Variants in IL6R observed in about 807,000 individuals in gnomAD.
The protein encoded by IL6R is interleukin-6 receptor subunit alpha.
A neutral mutation model predicts 48.3 loss-of-function variants in IL6R; 38 were observed. The ratio of observed to expected loss-of-function variants is 0.79; its 90% CI spans 0.61 to 1.03. The LOEUF is 1.03. IL6R is among the 50% of genes least tolerant of loss of function. IL6R has a pLI of 0.00. For missense variants in IL6R, 534 were observed against 618.3 expected, an observed-to-expected ratio of 0.86 and a Z score of 1.45; for synonymous variants, 264 against 256.2, an observed-to-expected ratio of 1.03 and a Z score of -0.29.
At chr1:154,456,449 C>T (rs962197735) in intron 9 of IL6R, among the ~76,000 whole-genome samples, 27 of 152,176 alleles carry the variant, frequency 1.8e-4, no homozygotes, top group African/African-American at 5.5e-4. Flanking sequence ...TCAGATGATC[C>T]GCCCGCCTCC....
In IL6R at chr1:154,430,625, G is replaced by A. The variant is rs778964716; in HGVS notation, c.458+19G>A. ...GGAAGTTGTAAGTATCTTGGGCTGA[G>A]CTATGTGCATGTTGGCTCCCTCCTT... On this transcript the variant is annotated intron_variant, in intron 3 of 9. Transcript: ENST00000368485. 2 of 1,614,100 alleles carry A rather than the reference G, an allele frequency of 1.2e-6. No individual in the cohort carries two copies. Among genetic ancestry groups the A allele is most frequent in the Non-Finnish European group, 1.7e-6 (2 of 1,179,980 alleles).
intron 1 of IL6R, among the ~76,000 whole-genome samples, chr1:154,414,010 A>G (rs1038735404): frequency 2.6e-5 from 4 of 151,842 alleles, no homozygotes; most frequent in African/African-American, 9.7e-5. Context: ...GGTGCACACC[A>G]CCACACTTGA....
intron 1 of IL6R, chr1:154,415,106 G>A: frequency 8.6e-7 from 1 of 1,166,774 alleles, no homozygotes; most frequent in South Asian, 1.3e-5. Flanking sequence ...GGCTTTTACG[G>A]TTCCACTCGC....
chr1:154,415,747 G>C (rs1688304419), intron 1 of IL6R, among the ~76,000 whole-genome samples: 1 of 152,160 alleles, frequency 6.6e-6, no homozygotes, highest in African/African-American at 2.4e-5. Flanking sequence ...GGGAGGCCGA[G>C]GCAGGTGGAT....
intron 1 of IL6R, among the ~76,000 whole-genome samples, chr1:154,423,055 C>G (rs572581509): frequency 1.3e-5 from 2 of 151,892 alleles, no homozygotes; most frequent in South Asian, 4.2e-4. Context: ...GTGCAGAATT[C>G]AGTGACAGTG....
Position 154,429,350 on chromosome 1 carries a change from G to C in IL6R, c.240G>C (p.Arg80Ser). The C allele has an allele frequency of 6.2e-7, 1 of 1,614,126 alleles. No homozygotes were observed. The change falls in exon 2 of 10, where the codon AGG becomes AGC. Residue 80 changes from arginine to serine, a missense_variant. Arg to Ser is a moderately radical substitution (Grantham distance 110, BLOSUM62 -1). Coordinates refer to ENST00000368485, the MANE Select transcript of IL6R (RefSeq NM_000565.4). ...HPSRWAGMGR[R>S]LLLRSVQLHD... is the part of the protein sequence containing the mutation. Reference sequence around the variant, plus strand: ...GCAGATGGGCTGGCATGGGAAGGAGGCTGCTGCTGAGGTCGGTGCAGCTCC... The same window carrying C: ...GCAGATGGGCTGGCATGGGAAGGAGCCTGCTGCTGAGGTCGGTGCAGCTCC...
intron 9 of IL6R, among the ~76,000 whole-genome samples, chr1:154,458,900 CA>C (rs757806352): frequency 2.0e-3 from 245 of 123,792 alleles, no homozygotes; most frequent in Middle Eastern, 4.6e-3. Context: ...GACTCCATCT[CA>C]AAAAAAAAAA....
rs138458259 is a variant in IL6R at position 154,429,265 on chromosome 1, C to T, written c.155C>T (p.Pro52Leu). 121 of 1,614,028 alleles carry T rather than the reference C, an allele frequency of 7.5e-5. 1 individual carries two copies. The highest frequency in any genetic ancestry group is 4.9e-4 in the Middle Eastern group (3 of 6,084). The change falls in exon 2 of 10, where the codon CCG becomes CTG. Residue 52 changes from proline to leucine, a missense_variant. Transcript: ENST00000368485. ...ACTCTGACCTGCCCGGGGGTAGAGC[C>T]GGAAGACAATGCCACTGTTCACTGG... is the stretch of plus-strand genomic sequence containing the variant. ...SVTLTCPGVE[P>L]EDNATVHWVL...
At chr1:154,434,723 T>C (rs1268964722) in intron 4 of IL6R, 23 bp downstream of exon 4, 8 of 1,596,276 alleles carry the variant, frequency 5.0e-6, no homozygotes, top group Non-Finnish European at 6.8e-6. Context: ...TAACCCCCTC[T>C]CCAGCAGTTT....
intron 1 of IL6R, chr1:154,414,867 G>A (rs1688241770): frequency 2.6e-6 from 2 of 775,066 alleles, no homozygotes; most frequent in Non-Finnish European, 4.6e-6. Flanking sequence ...AGGCTGACTG[G>A]GGAAGCTGTT....
intron 9 of IL6R, among the ~76,000 whole-genome samples, chr1:154,458,717 G>A (rs890226429): frequency 2.4e-4 from 36 of 151,992 alleles, no homozygotes; most frequent in Non-Finnish European, 4.0e-4. Context: ...CCTGGCCAAC[G>A]TGGAGAAACC....
chr1:154,412,974 T>C (rs1450120604), intron 1 of IL6R, among the ~76,000 whole-genome samples: 1 of 151,150 alleles, frequency 6.6e-6, no homozygotes, highest in Non-Finnish European at 1.5e-5. Flanking sequence ...TTTCATTATA[T>C]GGATGTACTG....
Position 154,446,045 on chromosome 1 carries a change from G to A in IL6R, c.950-2080G>A, listed in dbSNP as rs371694237. 2.3e-3 allele frequency among the ~76,000 whole-genome samples: 354 copies of A among 152,220 alleles called. 1 individual carries two copies. The highest frequency in any genetic ancestry group is 8.1e-3 in the African/African-American group (336 of 41,520). On this transcript the variant is annotated intron_variant, in intron 6 of 9. Transcript: ENST00000368485. ...CTCCCAAAGTGCTGGGATTACAGGT[G>A]TGAGTCCGGCCTGCCCCCATCTTCT...
At chr1:154,458,900 CAAA>C (rs757806352) in intron 9 of IL6R, among the ~76,000 whole-genome samples, 1 of 123,950 alleles carries the variant, frequency 8.1e-6, no homozygotes. Context: ...GACTCCATCT[CAAA>C]AAAAAAAAAA....
chr1:154,420,026 G>A (rs1483540190), intron 1 of IL6R, among the ~76,000 whole-genome samples: 1 of 151,990 alleles, frequency 6.6e-6, no homozygotes, highest in African/African-American at 2.4e-5. Flanking sequence ...GGAGATATGG[G>A]CTTGCTTGTT....
chr1:154,439,501 G>T (rs1285272560), intron 6 of IL6R, among the ~76,000 whole-genome samples: 1 of 152,060 alleles, frequency 6.6e-6, no homozygotes, highest in African/African-American at 2.4e-5. Flanking sequence ...TTTTAGTGGA[G>T]ATGGGGTTTC....
intron 3 of IL6R, among the ~76,000 whole-genome samples, chr1:154,433,033 G>C (rs1012961703): frequency 2.0e-5 from 3 of 152,362 alleles, no homozygotes; most frequent in African/African-American, 7.2e-5. Flanking sequence ...CAGTGCTGGG[G>C]CAGTGGGAGG....
rs1347952629 is a variant in IL6R at position 154,456,459 on chromosome 1, C to T, written c.1160+1878C>T. Among the ~76,000 whole-genome samples the T allele has an allele frequency of 3.3e-5, 5 of 152,054 alleles. No homozygotes were observed. The East Asian group carries it at 5.8e-4, about 18-fold the overall frequency. On this transcript the variant is annotated intron_variant, in intron 9 of 9. Transcript: ENST00000368485. ...TGACCTCAGATGATCCGCCCGCCTC[C>T]GCCTCCCAAAGTGCTGGGATTACAG...
At chr1:154,448,585 A>G (rs150108995) in intron 7 of IL6R, among the ~76,000 whole-genome samples, 2 of 152,310 alleles carry the variant, frequency 1.3e-5, no homozygotes, top group East Asian at 1.9e-4. Context: ...CTATCCAACT[A>G]TATCTCCTCC....
Sources: allele counts gnomAD v4.1 joint callset (sites outside exome capture counted in the v4.1 genomes callset), GRCh38; gene constraint gnomAD v4.1.1; transcripts MANE v1.5; gene names NCBI Gene and HGNC (gene_info 2026-07-23, HGNC 2026-07-21).